ZFPM2: variants seen among roughly 807,000 people sequenced by gnomAD.
ZFPM2 encodes the protein zinc finger protein, FOG family member 2.
Under a neutral mutation model 98.6 loss-of-function variants are expected in ZFPM2, and 20 were observed. The observed-to-expected ratio is 0.20, with a 90% CI of 0.14 to 0.29. The LOEUF (loss-of-function observed/expected upper bound fraction) is 0.29. Ranked by LOEUF, ZFPM2 falls within the 10% of genes least tolerant of loss-of-function variation. ZFPM2 has a pLI of 1.00. For synonymous variants in ZFPM2, 518 were observed against 502.7 expected, an observed-to-expected ratio of 1.03 and a Z score of -0.41; for missense variants, 1,310 against 1,388.6, an observed-to-expected ratio of 0.94 and a Z score of 0.90.
intron 3 of ZFPM2, among the ~76,000 whole-genome samples, chr8:105,560,825 C>T (rs1563720162): frequency 6.6e-6 from 1 of 152,040 alleles, no homozygotes; most frequent in Non-Finnish European, 1.5e-5. Flanking sequence ...ATACCAAATA[C>T]AGAAAAACAA....
intron 4 of ZFPM2, among the ~76,000 whole-genome samples, chr8:105,570,092 T>C (rs1482948778): frequency 6.6e-6 from 1 of 152,086 alleles, no homozygotes; most frequent in Non-Finnish European, 1.5e-5. Context: ...AAATTCATTA[T>C]TGATGGAGGT....
At chr8:105,465,826 C>T (rs532464280) in intron 3 of ZFPM2, among the ~76,000 whole-genome samples, 39 of 151,908 alleles carry the variant, frequency 2.6e-4, no homozygotes, top group Admixed American at 2.0e-3. Flanking sequence ...TTTTAGGAGA[C>T]GAACTATTGA....
chr8:105,349,239 T>C (rs1443639952), intron 1 of ZFPM2, among the ~76,000 whole-genome samples: 1 of 152,134 alleles, frequency 6.6e-6, no homozygotes, highest in Non-Finnish European at 1.5e-5. Context: ...TTATCCACAG[T>C]TAGATCCATA....
chr8:105,725,650 A>G (rs190670301), intron 5 of ZFPM2, among the ~76,000 whole-genome samples: 1 of 151,846 alleles, frequency 6.6e-6, no homozygotes, highest in African/African-American at 2.4e-5. Flanking sequence ...TTCTGTTTAA[A>G]TCTCCAGCAG....
chr8:105,741,693 G>A (rs1405648683), intron 5 of ZFPM2, among the ~76,000 whole-genome samples: 2 of 152,062 alleles, frequency 1.3e-5, no homozygotes, highest in African/African-American at 4.8e-5. Context: ...ATTGGTGCTG[G>A]AGTTGGATAG....
chr8:105,663,576 C>T (rs1455398899), intron 5 of ZFPM2, among the ~76,000 whole-genome samples: 1 of 152,100 alleles, frequency 6.6e-6, no homozygotes, highest in African/African-American at 2.4e-5. Context: ...AAAATGGCTA[C>T]TATTATGATG....
chr8:105,637,527 T>G (rs1816871280), intron 5 of ZFPM2, among the ~76,000 whole-genome samples: 1 of 152,168 alleles, frequency 6.6e-6, no homozygotes, highest in Non-Finnish European at 1.5e-5. Flanking sequence ...TTTTTATTTC[T>G]CTACTTTGCT....
chr8:105,331,515 G>A (rs1034055013), intron 1 of ZFPM2, among the ~76,000 whole-genome samples: 5 of 151,692 alleles, frequency 3.3e-5, no homozygotes, highest in African/African-American at 4.8e-5. Context: ...TGTACTTTAT[G>A]TAGAGAAATA....
chr8:105,627,248 C>T (rs914167436), intron 4 of ZFPM2, among the ~76,000 whole-genome samples: 5 of 152,160 alleles, frequency 3.3e-5, no homozygotes, highest in Non-Finnish European at 5.9e-5. Flanking sequence ...CTCTCATCCA[C>T]ATTAGATGAT....
intron 1 of ZFPM2, among the ~76,000 whole-genome samples, chr8:105,417,117 C>A (rs1347109595): frequency 6.6e-6 from 1 of 151,548 alleles, no homozygotes; most frequent in Non-Finnish European, 1.5e-5. Context: ...CCTCTGCATG[C>A]CAGTGTGGGT....
chr8:105,545,803 T>G (rs187762974), intron 3 of ZFPM2, among the ~76,000 whole-genome samples: 307 of 152,322 alleles, frequency 2.0e-3, no homozygotes, highest in Non-Finnish European at 1.7e-3. Context: ...GTAAGATGAA[T>G]AAACATTTTC....
At chr8:105,556,224 G>A (rs1347203879) in intron 3 of ZFPM2, among the ~76,000 whole-genome samples, 1 of 152,020 alleles carries the variant, frequency 6.6e-6, no homozygotes, top group Non-Finnish European at 1.5e-5. Flanking sequence ...TGATAAGAAG[G>A]GTGAATCCAA....
intron 2 of ZFPM2, among the ~76,000 whole-genome samples, chr8:105,426,416 A>C (rs561798205): frequency 4.3e-4 from 66 of 152,200 alleles, no homozygotes; most frequent in African/African-American, 1.5e-3. Context: ...CTGATGGAGC[A>C]CTGATAGGGC....
chr8:105,618,228 A>G (rs967911588), intron 4 of ZFPM2, among the ~76,000 whole-genome samples: 8 of 152,192 alleles, frequency 5.3e-5, no homozygotes, highest in Non-Finnish European at 7.4e-5. Flanking sequence ...CACAATTCCT[A>G]AGGAGAGTCT....
intron 3 of ZFPM2, among the ~76,000 whole-genome samples, chr8:105,477,544 G>A (rs1813037081): frequency 2.0e-5 from 3 of 151,520 alleles, no homozygotes; most frequent in Admixed American, 6.6e-5. Flanking sequence ...CGCCCCACAT[G>A]ATATCAATCA....
intron 1 of ZFPM2, among the ~76,000 whole-genome samples, chr8:105,368,339 G>A (rs1185948446): frequency 1.3e-5 from 2 of 152,078 alleles, no homozygotes; most frequent in African/African-American, 4.8e-5. Context: ...AAGGAGATAA[G>A]TAATAACTGG....
chr8:105,631,183 A>G (rs1179372787), intron 4 of ZFPM2, among the ~76,000 whole-genome samples: 5 of 152,184 alleles, frequency 3.3e-5, no homozygotes, highest in Non-Finnish European at 5.9e-5. Flanking sequence ...CCCTTATTCC[A>G]TCTCCCTAAA....
intron 1 of ZFPM2, among the ~76,000 whole-genome samples, chr8:105,417,042 C>G (rs1257529932): frequency 6.7e-6 from 1 of 149,784 alleles, no homozygotes; most frequent in Non-Finnish European, 1.5e-5. Context: ...CCAGCTTCTC[C>G]AGAGGCTGAG....
chr8:105,325,615 GA>G (rs1352031525), intron 1 of ZFPM2, among the ~76,000 whole-genome samples: 2 of 151,828 alleles, frequency 1.3e-5, no homozygotes, highest in African/African-American at 2.4e-5. Flanking sequence ...TGTGCATAGA[GA>G]GTGGCAAACT....
Sources: gnomAD v4.1 joint callset for allele counts (sites outside exome capture counted in the v4.1 genomes callset) on GRCh38, gnomAD v4.1.1 for gene constraint, MANE v1.5 for transcripts, NCBI Gene and HGNC (gene_info 2026-07-23, HGNC 2026-07-21) for gene names.